TEX13D: variants seen among roughly 807,000 people sequenced by gnomAD.
TEX13D encodes the protein TEX13 family member D, also known as testis-expressed protein 13D.
For missense variants in TEX13D, 261 were observed against 265.8 expected (o/e 0.98, Z 0.12); for synonymous variants, 115 against 104.5 (o/e 1.10, Z -0.61).
Position 124,333,275 on chromosome X carries a change from G to A in TEX13D, c.358G>A (p.Val120Met). 2.3e-6 allele frequency: 1 copy of A among 439,954 alleles called. No individual in the cohort carries two copies. The highest frequency in any genetic ancestry group is 3.6e-5 in the South Asian group (1 of 28,104). 36.3% of individuals were successfully genotyped at this position (439,954 alleles called of 1,213,427 possible). A position where few individuals can be genotyped will look rare whatever the true frequency, so the allele number is the denominator to read the frequency against. The change falls in exon 1 of 1, where the codon GTG (valine) becomes ATG (methionine). Residue 120 changes from valine to methionine, a missense_variant. Physicochemically the swap from Val to Met is conservative, Grantham distance 21. Transcript: ENST00000632372. ...GCAGCAGCTGCGCCTGGAGCATGAG[G>A]TGGCGGCAACACAGCTGCACCTCGC... is the stretch of plus-strand genomic sequence containing the variant. ...QLQQLRLEHE[V>M]AATQLHLAQA...
Position 124,332,701 on chromosome X carries a change from C to T in TEX13D, c.-217C>T. The T allele has an allele frequency of 3.8e-6, 1 of 264,800 alleles. No individual in the cohort carries two copies. Among genetic ancestry groups the T allele is most frequent in the Non-Finnish European group, 6.7e-6 (1 of 149,778 alleles). The allele number at this position is 264,800 out of a possible 1,213,427, so 21.8% of individuals were successfully genotyped here. ...ATGTCGCGGAGTCGCCGGTAGGGTT[C>T]GGTGTGGCGAGGGGGACCTGCTTCT... is the stretch of plus-strand genomic sequence containing the variant. On this transcript the variant is annotated 5_prime_UTR_variant, in exon 1 of 1. Transcript: ENST00000632372.
In TEX13D at chrX:124,335,177, T is replaced by C. The variant is rs1467989893; in HGVS notation, c.*115T>C. 3.9e-6 allele frequency: 2 copies of C among 514,849 alleles called. No individual in the cohort carries two copies. The highest frequency in any genetic ancestry group is 9.1e-5 in the East Asian group (2 of 22,044). The allele number at this position is 514,849 out of a possible 1,213,427, so 42.4% of individuals were successfully genotyped here. A position where few individuals can be genotyped will look rare whatever the true frequency, so the allele number is the denominator to read the frequency against. On this transcript the variant is annotated 3_prime_UTR_variant, in exon 1 of 1. Coordinates refer to ENST00000632372, the MANE Select transcript of TEX13D (RefSeq NM_001355534.2). ...CACAGAAAAATTGAACCCCAAATTA[T>C]GGAGAAAATTAAATAAAATAATTTA...
Position 124,333,195 on chromosome X carries a change from T to C in TEX13D, c.278T>C (p.Leu93Pro). The change falls in exon 1 of 1, where the codon CTG becomes CCG. Residue 93 changes from leucine to proline, a missense_variant. Physicochemically the swap from Leu to Pro is moderately conservative, Grantham distance 98. Coordinates refer to ENST00000632372, the MANE Select transcript of TEX13D (RefSeq NM_001355534.2). ...REELLHHVRR[L>P]QRHAEERQAT... is the part of the protein sequence containing the mutation. ...GAGCTGCTGCACCACGTTCGGCGGC[T>C]GCAAAGGCATGCGGAGGAGCGCCAG... 1 of 469,215 alleles carries C rather than the reference T, an allele frequency of 2.1e-6. No individual in the cohort carries two copies. The highest frequency in any genetic ancestry group is 3.7e-6 in the Non-Finnish European group (1 of 266,752). 38.7% of individuals were successfully genotyped at this position (469,215 alleles called of 1,213,427 possible).
Position 124,332,898 on chromosome X carries a change from T to C in TEX13D, c.-20T>C. Reference sequence around the variant, plus strand: ...AGGCGACGCACCGTGAGGCAGCTGCTTGACTAGGCCACAGCCGCCATGGCG... The same window carrying C: ...AGGCGACGCACCGTGAGGCAGCTGCCTGACTAGGCCACAGCCGCCATGGCG... On this transcript the variant is annotated 5_prime_UTR_variant, in exon 1 of 1. Coordinates refer to ENST00000632372, the MANE Select transcript of TEX13D (RefSeq NM_001355534.2). 2.9e-6 allele frequency: 1 copy of C among 347,708 alleles called. No homozygotes were observed. The highest frequency in any genetic ancestry group is 7.1e-5 in the South Asian group (1 of 14,130). The allele number at this position is 347,708 out of a possible 1,213,427, so 28.7% of individuals were successfully genotyped here.
In TEX13D at chrX:124,332,961, A is replaced by G. The variant is rs12393728; in HGVS notation, c.44A>G (p.Asn15Ser). 0.081 allele frequency: 31,067 copies of G among 382,613 alleles called. 1,169 individuals carry two copies. Among genetic ancestry groups the G allele is most frequent in the African/African-American group, 0.19 (7,076 of 38,008 alleles). The allele number at this position is 382,613 out of a possible 1,213,427, so 31.5% of individuals were successfully genotyped here. ...FGDHASGFRHNDVIRFINNEV... is the reference protein window; with the variant it reads ...FGDHASGFRHSDVIRFINNEV... ...GACCATGCCAGCGGCTTCCGCCACA[A>G]TGATGTGATCAGGTTCATTAACAAT... The change falls in exon 1 of 1, where the codon AAT becomes AGT. Residue 15 changes from asparagine to serine, a missense_variant. Asn to Ser is a conservative substitution (Grantham distance 46). Transcript: ENST00000632372.
At position 124,334,300 on chromosome X, in the gene TEX13D, G is replaced by A. The variant is rs1421996848; in HGVS notation, c.1383G>A (p.Gly461=). Residue 461 remains glycine, a synonymous_variant, in exon 1 of 1, where the codon GGG becomes GGA. Coordinates refer to ENST00000632372, the MANE Select transcript of TEX13D (RefSeq NM_001355534.2). ...ATATCAAGGAAGAAGGCCCAGAGGG[G>A]CCCCAGAGGATTGTCCTCCAGGGAG... ...RSHIKEEGPE[G]PQRIVLQGDN... 50 of 904,409 alleles carry A rather than the reference G, an allele frequency of 5.5e-5. No individual in the cohort carries two copies. The highest frequency in any genetic ancestry group is 6.5e-5 in the Non-Finnish European group (48 of 736,146). The allele number at this position is 904,409 out of a possible 1,213,427, so 74.5% of individuals were successfully genotyped here.
rs2059971029 is a variant in TEX13D at position 124,335,068 on chromosome X, G to C, written c.*6G>C. 8.6e-6 allele frequency: 8 copies of C among 929,777 alleles called. No individual in the cohort carries two copies. The highest frequency in any genetic ancestry group is 8.2e-5 in the African/African-American group (4 of 48,761). The allele number at this position is 929,777 out of a possible 1,213,427, so 76.6% of individuals were successfully genotyped here. ...GTGGAGGACAAACTCAGTGATTTCA[G>C]GAAGGTAAGTAAGAATGGACACACT... On this transcript the variant is annotated 3_prime_UTR_variant, in exon 1 of 1. Transcript: ENST00000632372.
rs1184322767 is a variant in TEX13D, at chrX:124,334,208, A to G, written c.1291A>G (p.Arg431Gly). ...AQEMATLVFI[R>G]RCKPEGPKRP... is the part of the protein sequence containing the mutation. The stretch of plus-strand genomic sequence containing the variant: ...GGAGATGGCCACCCTGGTGTTTATC[A>G]GGAGGTGCAAACCAGAAGGTCCAAA... Residue 431 changes from arginine (R) to glycine (G), a missense_variant, in exon 1 of 1, where the codon AGG becomes GGG. Coordinates refer to ENST00000632372, the MANE Select transcript of TEX13D (RefSeq NM_001355534.2). The G allele has an allele frequency of 5.4e-6, 5 of 932,450 alleles. No homozygotes were observed. Among genetic ancestry groups the G allele is most frequent in the South Asian group, 6.0e-5 (1 of 16,602 alleles). 76.8% of individuals were successfully genotyped at this position (932,450 alleles called of 1,213,427 possible). A position where few individuals can be genotyped will look rare whatever the true frequency, so the allele number is the denominator to read the frequency against.
In TEX13D at chrX:124,334,262, G is replaced by C. The variant is rs1318205298; in HGVS notation, c.1345G>C (p.Asp449His). ...GCCCCAGTGGACTGTCCCCCTGGGG[G>C]ACAGCAGAAGTCATATCAAGGAAGA... Reference protein sequence around the residue: ...KRPQWTVPLGDSRSHIKEEGP... With the variant: ...KRPQWTVPLGHSRSHIKEEGP... The change falls in exon 1 of 1, where the codon GAC becomes CAC. Residue 449 changes from aspartate (D) to histidine (H), a missense_variant. Physicochemically the swap from Asp to His is moderately conservative, Grantham distance 81 (BLOSUM62 -1). Coordinates refer to ENST00000632372, the MANE Select transcript of TEX13D (RefSeq NM_001355534.2). 1 of 928,762 alleles carries C rather than the reference G, an allele frequency of 1.1e-6. No individual in the cohort carries two copies. The highest frequency in any genetic ancestry group is 1.3e-6 in the Non-Finnish European group (1 of 752,908). The allele number at this position is 928,762 out of a possible 1,213,427, so 76.5% of individuals were successfully genotyped here. A position where few individuals can be genotyped will look rare whatever the true frequency, so the allele number is the denominator to read the frequency against.
rs2059971629 is a variant in TEX13D, at chrX:124,335,372, G to A, written c.*310G>A. 7.3e-6 allele frequency: 1 copy of A among 137,717 alleles called. No individual in the cohort carries two copies. The highest frequency in any genetic ancestry group is 1.4e-5 in the Non-Finnish European group (1 of 69,945). 11.3% of individuals were successfully genotyped at this position (137,717 alleles called of 1,213,427 possible). A position where few individuals can be genotyped will look rare whatever the true frequency, so the allele number is the denominator to read the frequency against. On this transcript the variant is annotated 3_prime_UTR_variant, in exon 1 of 1. Transcript: ENST00000632372. ...TGCAGGTGGTGGATTCTGGATGGCC[G>A]ATGCTGATTGGTTAATACCCTGGAG...
rs2059970113 is a variant in TEX13D, at chrX:124,334,779, C to A, written c.1862C>A (p.Pro621Gln). The part of the protein sequence containing the change: ...ATLVFSRSCK[P>Q]EEGPERPQGT... ...CTGGTGTTTAGCAGGAGCTGCAAAC[C>A]AGAAGAAGGTCCAGAGAGGCCCCAG... The change falls in exon 1 of 1, where the codon CCA (proline) becomes CAA (glutamine). Residue 621 changes from proline to glutamine, a missense_variant. Physicochemically the swap from Pro to Gln is moderately conservative, Grantham distance 76. Transcript: ENST00000632372. 2 of 938,065 alleles carry A rather than the reference C, an allele frequency of 2.1e-6. No homozygotes were observed. The highest frequency in any genetic ancestry group is 2.6e-6 in the Non-Finnish European group (2 of 756,131). 77.3% of individuals were successfully genotyped at this position (938,065 alleles called of 1,213,427 possible). A position where few individuals can be genotyped will look rare whatever the true frequency, so the allele number is the denominator to read the frequency against.
At position 124,336,351 on chromosome X, in the gene TEX13D, A is replaced by T. The variant is rs1019453969; in HGVS notation, c.*1289A>T. ...GATTGTCTGCTGATTTCCTCCTTTGAGAGGGACAGATATTTTCCTGGCTGC... is the reference window on the plus strand; with the variant it reads ...GATTGTCTGCTGATTTCCTCCTTTGTGAGGGACAGATATTTTCCTGGCTGC... On this transcript the variant is annotated 3_prime_UTR_variant, in exon 1 of 1. Coordinates refer to ENST00000632372, the MANE Select transcript of TEX13D (RefSeq NM_001355534.2). The T allele has an allele frequency of 1.8e-5, 2 of 111,803 alleles. No homozygotes were observed. Among genetic ancestry groups the T allele is most frequent in the Non-Finnish European group, 3.8e-5 (2 of 53,186 alleles). The allele number at this position is 111,803 out of a possible 1,213,427, so 9.2% of individuals were successfully genotyped here.
rs920678341 is a variant in TEX13D, at chrX:124,334,912, A to T, written c.1995A>T (p.Gly665=). ...AACCAAAAGTGAATAAAGTCTCGGGATCCCAGCAGCAGGAGAAGCCTGCCT... is the reference window on the plus strand; with the variant it reads ...AACCAAAAGTGAATAAAGTCTCGGGTTCCCAGCAGCAGGAGAAGCCTGCCT... ...AKKPKVNKVS[G]SQQQEKPASF... is the part of the protein sequence containing the mutation. The change falls in exon 1 of 1, where the codon GGA becomes GGT. Residue 665 remains glycine, a synonymous_variant. Coordinates refer to ENST00000632372, the MANE Select transcript of TEX13D (RefSeq NM_001355534.2). The T allele has an allele frequency of 1.4e-5, 13 of 939,043 alleles. No individual in the cohort carries two copies. Among genetic ancestry groups the T allele is most frequent in the Non-Finnish European group, 1.2e-5 (9 of 756,498 alleles). The allele number at this position is 939,043 out of a possible 1,213,427, so 77.4% of individuals were successfully genotyped here. A position where few individuals can be genotyped will look rare whatever the true frequency, so the allele number is the denominator to read the frequency against.
Position 124,333,907 on chromosome X carries a change from C to A in TEX13D, c.990C>A (p.Cys330Ter). ...TGCCCCTCCCCGGGGACAGTGGGTG[C>A]CACAACCCGCTGTCAGAGAGTCCCC... Reference protein sequence around the residue: ...QRMPLPGDSGCHNPLSESPQG... With the variant: ...QRMPLPGDSG The change falls in exon 1 of 1, where the codon TGC becomes TGA. Residue 330 changes from cysteine to a stop codon, truncating the protein, a stop_gained. Transcript: ENST00000632372. LOFTEE classifies it low-confidence loss of function (END_TRUNC). The A allele has an allele frequency of 2.3e-6, 1 of 442,339 alleles. No individual in the cohort carries two copies. Among genetic ancestry groups the A allele is most frequent in the Non-Finnish European group, 3.3e-6 (1 of 303,863 alleles). The allele number at this position is 442,339 out of a possible 1,213,427, so 36.5% of individuals were successfully genotyped here. A position where few individuals can be genotyped will look rare whatever the true frequency, so the allele number is the denominator to read the frequency against.
chrX:124,333,812 C>T lies in TEX13D; in HGVS notation c.895C>T (p.Gln299Ter). 3.4e-6 allele frequency: 1 copy of T among 298,488 alleles called. No individual in the cohort carries two copies. 24.6% of individuals were successfully genotyped at this position (298,488 alleles called of 1,213,427 possible). A position where few individuals can be genotyped will look rare whatever the true frequency, so the allele number is the denominator to read the frequency against. ...YIQEEDSKIL[Q>*]GSFPLGDSRS... is the part of the protein sequence containing the mutation. Reference sequence around the variant, plus strand: ...CCAGGAGGAAGATTCCAAAATCCTTCAGGGGTCATTCCCCTTAGGAGACAG... The same window carrying T: ...CCAGGAGGAAGATTCCAAAATCCTTTAGGGGTCATTCCCCTTAGGAGACAG... The change falls in exon 1 of 1, where the codon CAG becomes TAG. Residue 299 changes from glutamine to a stop codon, truncating the protein, a stop_gained. Coordinates refer to ENST00000632372, the MANE Select transcript of TEX13D (RefSeq NM_001355534.2). LOFTEE classifies it low-confidence loss of function (END_TRUNC).
At position 124,333,980 on chromosome X, in the gene TEX13D, G is replaced by A. The variant is rs2059967665; in HGVS notation, c.1063G>A (p.Gly355Ser). ...GSSGCHSQEE[G>S]TEGPQGMDPL... ...CAGCGGATGCCACTCCCAGGAAGAA[G>A]GTACAGAAGGACCCCAGGGGATGGA... The change falls in exon 1 of 1, where the codon GGT becomes AGT. Residue 355 changes from glycine to serine, a missense_variant. By Grantham distance (56) the Gly-to-Ser change is moderately conservative. Coordinates refer to ENST00000632372, the MANE Select transcript of TEX13D (RefSeq NM_001355534.2). 1 of 894,828 alleles carries A rather than the reference G, an allele frequency of 1.1e-6. No individual in the cohort carries two copies. Among genetic ancestry groups the A allele is most frequent in the Admixed American group, 5.9e-5 (1 of 16,970 alleles). The allele number at this position is 894,828 out of a possible 1,213,427, so 73.7% of individuals were successfully genotyped here. A position where few individuals can be genotyped will look rare whatever the true frequency, so the allele number is the denominator to read the frequency against.
At position 124,333,500 on chromosome X, in the gene TEX13D, G is replaced by A. The variant is rs2059966428; in HGVS notation, c.583G>A (p.Ala195Thr). 1 of 302,480 alleles carries A rather than the reference G, an allele frequency of 3.3e-6. No individual in the cohort carries two copies. The highest frequency in any genetic ancestry group is 5.7e-6 in the Non-Finnish European group (1 of 173,930). 24.9% of individuals were successfully genotyped at this position (302,480 alleles called of 1,213,427 possible). A position where few individuals can be genotyped will look rare whatever the true frequency, so the allele number is the denominator to read the frequency against. The change falls in exon 1 of 1, where the codon GCC becomes ACC. Residue 195 changes from alanine (A) to threonine (T), a missense_variant. Physicochemically the swap from Ala to Thr is moderately conservative, Grantham distance 58. Transcript: ENST00000632372. The stretch of plus-strand genomic sequence containing the variant: ...GGTGGCCATGGGGACACATGCTAAT[G>A]CCCAGATGCCAACCCCGACAGATGT... ...DMVAMGTHANAQMPTPTDVLY... is the reference protein window; with the variant it reads ...DMVAMGTHANTQMPTPTDVLY...
At position 124,333,181 on chromosome X, in the gene TEX13D, C is replaced by T; in HGVS notation, c.264C>T (p.His88=). Residue 88 remains histidine, a synonymous_variant, in exon 1 of 1, where the codon CAC becomes CAT. Transcript: ENST00000632372. ...VATRQREELL[H]HVRRLQRHAE... ...CGAGGCAGCGGGAGGAGCTGCTGCA[C>T]CACGTTCGGCGGCTGCAAAGGCATG... is the stretch of plus-strand genomic sequence containing the variant. 1 of 464,478 alleles carries T rather than the reference C, an allele frequency of 2.2e-6. No individual in the cohort carries two copies. Among genetic ancestry groups the T allele is most frequent in the Admixed American group, 3.2e-5 (1 of 31,261 alleles). The allele number at this position is 464,478 out of a possible 1,213,427, so 38.3% of individuals were successfully genotyped here. A position where few individuals can be genotyped will look rare whatever the true frequency, so the allele number is the denominator to read the frequency against.
At position 124,333,730 on chromosome X, in the gene TEX13D, G is replaced by T. The variant is rs2059966903; in HGVS notation, c.813G>T (p.Trp271Cys). 6.8e-6 allele frequency: 2 copies of T among 296,015 alleles called. No homozygotes were observed. Among genetic ancestry groups the T allele is most frequent in the South Asian group, 4.1e-4 (2 of 4,847 alleles). 24.4% of individuals were successfully genotyped at this position (296,015 alleles called of 1,213,427 possible). ...CTGAGATCCACCCACCTTGCCCGTG[G>T]CCTGCAGTGGGCTTCCAGGAGGAGA... The part of the protein sequence containing the change: ...PPTEIHPPCP[W>C]PAVGFQEEMA... The change falls in exon 1 of 1, where the codon TGG becomes TGT. Residue 271 changes from tryptophan (W) to cysteine (C), a missense_variant. Transcript: ENST00000632372.
Sources: gnomAD v4.1 joint callset for allele counts on GRCh38, gnomAD v4.1.1 for gene constraint, MANE v1.5 for transcripts, NCBI Gene and HGNC (gene_info 2026-07-23, HGNC 2026-07-21) for gene names.